FSD1L: variants seen among roughly 807,000 people sequenced by gnomAD.
FSD1L encodes the protein FSD1-like protein.
A neutral mutation model predicts 71.6 loss-of-function variants in FSD1L; 45 were observed. The ratio of observed to expected loss-of-function variants is 0.63; its 90% confidence interval spans 0.49 to 0.81. The LOEUF is 0.81. FSD1L is among the 30% of genes least tolerant of loss of function. FSD1L has a pLI of 0.00. For missense variants in FSD1L, 561 were observed against 618.1 expected, an observed-to-expected ratio of 0.91 and a Z score of 0.98; for synonymous variants, 197 against 207.2, an observed-to-expected ratio of 0.95 and a Z score of 0.42.
chr9:105,508,271 C>T (rs956504575), intron 8 of FSD1L, among the ~76,000 whole-genome samples: 8 of 151,076 alleles, frequency 5.3e-5, no homozygotes, highest in East Asian at 3.9e-4. Flanking sequence ...TCCGCCTCCC[C>T]GGTTCACTCC....
At chr9:105,546,257 A>T in intron 13 of FSD1L, 101 bp from the exon 14 acceptor site, 5 of 989,864 alleles carry the variant, frequency 5.1e-6, no homozygotes, top group Non-Finnish European at 7.2e-6. Context: ...AGAATGATTG[A>T]TGTTCATATG....
Position 105,548,003 on chromosome 9 carries a change from TGCCC to T in FSD1L, c.*1521_*1524del, listed in dbSNP as rs1837103717. On this transcript the variant is annotated 3_prime_UTR_variant, in exon 14 of 14. Coordinates refer to ENST00000481272, the MANE Select transcript of FSD1L (RefSeq NM_001145313.3). ...TAGCTCATTCTCTCTAAAAATTTACTGCCCACTGATAGGATGTTTTGTTTCCTTG... is the reference window on the plus strand; with the variant it reads ...TAGCTCATTCTCTCTAAAAATTTACTACTGATAGGATGTTTTGTTTCCTTG... 1 of 152,116 alleles carries T rather than the reference TGCCC, an allele frequency of 6.6e-6. No individual in the cohort carries two copies. Among genetic ancestry groups the T allele is most frequent in the Non-Finnish European group, 1.5e-5 (1 of 67,964 alleles). The allele number at this position is 152,116 out of a possible 1,614,324, so 9.4% of individuals were successfully genotyped here. A position where few individuals can be genotyped will look rare whatever the true frequency, so the allele number is the denominator to read the frequency against.
chr9:105,541,805 C>G (rs776925146), intron 13 of FSD1L, among the ~76,000 whole-genome samples: 21 of 152,170 alleles, frequency 1.4e-4, no homozygotes, highest in Admixed American at 1.3e-4. Context: ...TTCCACACAA[C>G]CAGCCCTAGC....
At chr9:105,522,663 C>G (rs188916619) in intron 10 of FSD1L, 782 of 1,612,338 alleles carry the variant, frequency 4.9e-4, no homozygotes, top group Non-Finnish European at 6.2e-4. Context: ...CATCTTGGAA[C>G]CATTCACTGT....
intron 7 of FSD1L, among the ~76,000 whole-genome samples, chr9:105,491,990 G>A (rs373703117): frequency 1.3e-5 from 2 of 152,086 alleles, no homozygotes; most frequent in East Asian, 1.9e-4. Flanking sequence ...CCCGGCTTTG[G>A]TATCAGGATG....
upstream of FSD1L, chr9:105,447,902 T>G: frequency 4.2e-6 from 2 of 476,516 alleles, no homozygotes; most frequent in Non-Finnish European, 7.4e-6. Flanking sequence ...GGGAAGGGAG[T>G]GCAGCCTGCA....
intron 9 of FSD1L, among the ~76,000 whole-genome samples, chr9:105,510,728 A>G (rs969544502): frequency 2.0e-5 from 3 of 152,170 alleles, no homozygotes; most frequent in African/African-American, 7.2e-5. Flanking sequence ...TTTAGAGTAT[A>G]TTATTAGTTA....
chr9:105,546,520 A>T lies in FSD1L; in HGVS notation c.*37A>T, dbSNP rs1374347473. On this transcript the variant is annotated 3_prime_UTR_variant, in exon 14 of 14. Coordinates refer to ENST00000481272, the MANE Select transcript of FSD1L (RefSeq NM_001145313.3). ...AATACGTTTACCCTCCGTCTTGATTAGGTGGCCTTTTCTGTGCAGTTACTA... is the reference window on the plus strand; with the variant it reads ...AATACGTTTACCCTCCGTCTTGATTTGGTGGCCTTTTCTGTGCAGTTACTA... 2 of 1,493,672 alleles carry T rather than the reference A, an allele frequency of 1.3e-6. No individual in the cohort carries two copies. Among genetic ancestry groups the T allele is most frequent in the African/African-American group, 2.8e-5 (2 of 70,780 alleles). The allele number at this position is 1,493,672 out of a possible 1,614,324, so 92.5% of individuals were successfully genotyped here.
At chr9:105,539,615 A>G (rs1836479800) in intron 13 of FSD1L, among the ~76,000 whole-genome samples, 1 of 152,024 alleles carries the variant, frequency 6.6e-6, no homozygotes, top group Non-Finnish European at 1.5e-5. Flanking sequence ...CTCATGTGTA[A>G]CTAGCACTTA....
intron 1 of FSD1L, among the ~76,000 whole-genome samples, chr9:105,452,726 C>G (rs1830116699): frequency 6.6e-6 from 1 of 150,560 alleles, no homozygotes; most frequent in Non-Finnish European, 1.5e-5. Flanking sequence ...TTCTTTCCTT[C>G]TTTCCTCCTC....
At chr9:105,492,106 C>A (rs1008841592) in intron 7 of FSD1L, among the ~76,000 whole-genome samples, 1 of 151,952 alleles carries the variant, frequency 6.6e-6, no homozygotes, top group Admixed American at 6.6e-5. Context: ...TGGTAGAATT[C>A]GGCTGTGAAT....
intron 7 of FSD1L, among the ~76,000 whole-genome samples, chr9:105,491,410 G>A (rs1216214430): frequency 6.6e-6 from 1 of 152,012 alleles, no homozygotes; most frequent in East Asian, 1.9e-4. Context: ...TGAGACAATG[G>A]GGTTTCCTAG....
intron 13 of FSD1L, among the ~76,000 whole-genome samples, chr9:105,543,390 A>G (rs1836754716): frequency 6.6e-6 from 1 of 152,186 alleles, no homozygotes; most frequent in African/African-American, 2.4e-5. Context: ...TTATTGAATT[A>G]TAGCTGCTCT....
At chr9:105,452,669 G>GCCTTCCTTCCTTCCTTCCTTCCTTCCTT (rs1166449916) in intron 1 of FSD1L, among the ~76,000 whole-genome samples, 12 of 96,170 alleles carry the variant, frequency 1.2e-4, no homozygotes, top group African/African-American at 1.7e-4. Flanking sequence ...CTGCCTGCCT[G>GCCTTCCTTCCTTCCTTCCTTCCTTCCTT]CCTTCCTTCC....
At chr9:105,505,784 T>C (rs1834019405) in intron 7 of FSD1L, among the ~76,000 whole-genome samples, 2 of 152,242 alleles carry the variant, frequency 1.3e-5, no homozygotes, top group Admixed American at 6.5e-5. Flanking sequence ...ATCTGGTAGC[T>C]GCTGGACTGC....
At chr9:105,501,933 G>A (rs921044933) in intron 7 of FSD1L, among the ~76,000 whole-genome samples, 1 of 152,006 alleles carries the variant, frequency 6.6e-6, no homozygotes, top group Non-Finnish European at 1.5e-5. Context: ...CTTTGTGTTA[G>A]TTTTGTAGAT....
At chr9:105,503,111 C>T (rs969477399) in intron 7 of FSD1L, among the ~76,000 whole-genome samples, 2 of 152,098 alleles carry the variant, frequency 1.3e-5, no homozygotes, top group Non-Finnish European at 2.9e-5. Context: ...TGGTCTCAAA[C>T]TCCTGGGCTC....
chr9:105,476,687 C>T (rs1351136493), intron 5 of FSD1L, among the ~76,000 whole-genome samples: 5 of 152,052 alleles, frequency 3.3e-5, no homozygotes, highest in Non-Finnish European at 2.9e-5. Context: ...CAAAAGTCAC[C>T]GTTCTTGAAA....
upstream of FSD1L, among the ~76,000 whole-genome samples, chr9:105,447,361 T>C (rs1328281394): frequency 2.1e-5 from 3 of 144,606 alleles, no homozygotes; most frequent in Admixed American, 7.0e-5. Context: ...AGAATGACTA[T>C]AATTTATTCA....
Sources: allele counts gnomAD v4.1 joint callset (sites outside exome capture counted in the v4.1 genomes callset), GRCh38; gene constraint gnomAD v4.1.1; transcripts MANE v1.5; gene names NCBI Gene and HGNC (gene_info 2026-07-23, HGNC 2026-07-21).